Variants in MOV10L1 observed in about 807,000 individuals in gnomAD.
The protein encoded by MOV10L1 is RNA helicase Mov10l1.
MOV10L1 carries 110 observed loss-of-function variants against 143.8 expected under a neutral mutation model. That is an observed-to-expected ratio of 0.76 (90% CI 0.66 to 0.90). The LOEUF (loss-of-function observed/expected upper bound fraction) is 0.90, where lower values mean the gene tolerates loss of function less well. MOV10L1 is among the 40% of genes least tolerant of loss of function. The pLI is 0.00. For missense variants in MOV10L1, 1,406 were observed against 1,526.8 expected (o/e 0.92, Z 1.32); for synonymous variants, 593 against 581.1 (o/e 1.02, Z -0.29).
At chr22:50,103,383 G>T (rs1200715708) in intron 3 of MOV10L1, among the ~76,000 whole-genome samples, 2 of 152,164 alleles carry the variant, frequency 1.3e-5, no homozygotes, top group Non-Finnish European at 2.9e-5. Flanking sequence ...TTGGATGAAG[G>T]CAGCTAAAAT....
rs1035890345 is a variant in MOV10L1, at chr22:50,158,948, T to C, written c.3217-730T>C. The C allele has an allele frequency of 1.3e-5, 2 of 152,222 alleles. No homozygotes were observed. Among genetic ancestry groups the C allele is most frequent in the Non-Finnish European group, 1.5e-5 (1 of 68,050 alleles). The allele number at this position is 152,222 out of a possible 1,614,324, so 9.4% of individuals were successfully genotyped here. A position where few individuals can be genotyped will look rare whatever the true frequency, so the allele number is the denominator to read the frequency against. On this transcript the variant is annotated intron_variant, in intron 23 of 26. Coordinates refer to ENST00000262794, the MANE Select transcript of MOV10L1 (RefSeq NM_018995.3). The surrounding 1 kb of genome is among the most constrained non-coding windows in gnomAD (Gnocchi z 5.0). The stretch of plus-strand genomic sequence containing the variant: ...CCAGAGGTACAGAGATTACGAAGGC[T>C]TATGGAGACAAGTAAGTTGCCAGAC...
chr22:50,139,160 C>T (rs554105676), intron 15 of MOV10L1, among the ~76,000 whole-genome samples: 17 of 152,216 alleles, frequency 1.1e-4, no homozygotes, highest in African/African-American at 4.1e-4. Context: ...TTTTACCTCA[C>T]GTGGTCTGTA....
intron 10 of MOV10L1, among the ~76,000 whole-genome samples, chr22:50,124,259 G>T (rs903630160): frequency 2.9e-4 from 44 of 152,188 alleles, no homozygotes; most frequent in African/African-American, 1.0e-3. Context: ...AGCACTGCTT[G>T]TGCTGCTCCC....
Position 50,120,537 on chromosome 22 carries a change from A to G in MOV10L1, c.1490A>G (p.Gln497Arg), listed in dbSNP as rs774685975. The change falls in exon 10 of 27, where the codon CAA (glutamine) becomes CGA (arginine). Residue 497 changes from glutamine (Q) to arginine (R), a missense_variant. Transcript: ENST00000262794. ...SRRQLPSFLPQYPIPDRLRKC... is the reference protein window; with the variant it reads ...SRRQLPSFLPRYPIPDRLRKC... ...CGACAACTTCCAAGTTTTCTTCCCC[A>G]ATATCCAATCCCAGATAGACTTAGA... is the stretch of plus-strand genomic sequence containing the variant. 2 of 1,612,756 alleles carry G rather than the reference A, an allele frequency of 1.2e-6. No homozygotes were observed. Among genetic ancestry groups the G allele is most frequent in the Non-Finnish European group, 1.7e-6 (2 of 1,179,486 alleles).
At chr22:50,098,728 A>G (rs1345688144) in intron 2 of MOV10L1, among the ~76,000 whole-genome samples, 2 of 152,230 alleles carry the variant, frequency 1.3e-5, no homozygotes, top group African/African-American at 4.8e-5. Flanking sequence ...TGAAGTAAGC[A>G]TGGGCATCCT....
intron 9 of MOV10L1, 56 bp downstream of exon 9, chr22:50,117,407 A>G: frequency 5.7e-6 from 9 of 1,578,990 alleles, no homozygotes; most frequent in Non-Finnish European, 7.8e-6. Flanking sequence ...CTGTGAAGGA[A>G]AAGCGGACGT....
chr22:50,101,652 C>T (rs1188387795), intron 3 of MOV10L1, among the ~76,000 whole-genome samples: 1 of 152,034 alleles, frequency 6.6e-6, no homozygotes, highest in Non-Finnish European at 1.5e-5. Flanking sequence ...GCTGGGACTA[C>T]AGCTGTGTGC....
In MOV10L1 at chr22:50,128,121, G is replaced by C. The variant is rs544527836; in HGVS notation, c.1819-295G>C. Reference sequence around the variant, plus strand: ...CAGTAGGTAACACTTGGCTACCCTTGTGGTTGTTTTGTTTGTGTCCTATGG... The same window carrying C: ...CAGTAGGTAACACTTGGCTACCCTTCTGGTTGTTTTGTTTGTGTCCTATGG... On this transcript the variant is annotated intron_variant, in intron 12 of 26. Transcript: ENST00000262794. Among the ~76,000 whole-genome samples the C allele has an allele frequency of 1.5e-4, 23 of 152,286 alleles. No individual in the cohort carries two copies. In the East Asian group the frequency reaches 4.4e-3, roughly 29 times the overall value.
intron 11 of MOV10L1, 33 bp from the exon 12 acceptor site, chr22:50,126,169 A>G (rs1569300791): frequency 6.8e-7 from 1 of 1,461,276 alleles, no homozygotes; most frequent in Non-Finnish European, 9.6e-7. Flanking sequence ...ATTTTGTGTT[A>G]GCTTTAAACA....
intron 2 of MOV10L1, chr22:50,092,759 T>G (rs1045823776): frequency 1.3e-5 from 2 of 152,396 alleles, no homozygotes; most frequent in African/African-American, 4.8e-5. Context: ...ATATCCATTA[T>G]TTTCTTGCTT....
chr22:50,119,765 T>G (rs2062285857), intron 9 of MOV10L1, among the ~76,000 whole-genome samples: 1 of 151,368 alleles, frequency 6.6e-6, no homozygotes, highest in African/African-American at 2.4e-5. Context: ...CAAATTGAGA[T>G]GACAGTGAAT....
intron 13 of MOV10L1, among the ~76,000 whole-genome samples, chr22:50,129,962 A>T (rs1277133061): frequency 6.6e-6 from 1 of 152,066 alleles, no homozygotes; most frequent in East Asian, 1.9e-4. Flanking sequence ...TCTTCTCCAG[A>T]TTTCTTCCTT....
In MOV10L1 at chr22:50,143,162, A is replaced by G. The variant is rs745658443; in HGVS notation, c.2299A>G (p.Ile767Val). The G allele has an allele frequency of 1.9e-6, 3 of 1,614,184 alleles. No homozygotes were observed. Among genetic ancestry groups the G allele is most frequent in the Non-Finnish European group, 1.7e-6 (2 of 1,180,024 alleles). ...TGGTGACTGCCGTCCCCTCCCGTAT[A>G]TTCTCTTTGGACCTCCTGGTACTGG... is the stretch of plus-strand genomic sequence containing the variant. The part of the protein sequence containing the change: ...LSGDCRPLPY[I>V]LFGPPGTGKT... Residue 767 changes from isoleucine to valine, a missense_variant, in exon 17 of 27, where the codon ATT becomes GTT. This residue lies in a region of MOV10L1 where 1,233 missense variants were observed against 1,351.4 expected (regional missense o/e 0.91). Coordinates refer to ENST00000262794, the MANE Select transcript of MOV10L1 (RefSeq NM_018995.3).
rs1368407053 is a variant in MOV10L1 at position 50,091,980 on chromosome 22, T to G, written c.98-21T>G. 1.9e-6 allele frequency: 3 copies of G among 1,606,588 alleles called. No individual in the cohort carries two copies. In the South Asian group the frequency reaches 3.3e-5, roughly 18 times the overall value. ...CGCTTGCTTTTATGGCCAAGATAAC[T>G]TCTTTGTTTACCTACCTCAGGTGAC... On this transcript the variant is annotated intron_variant, in intron 1 of 26. Transcript: ENST00000262794.
In MOV10L1 at chr22:50,123,478, C is replaced by T. The variant is rs143374891; in HGVS notation, c.1570-1914C>T. Among the ~76,000 whole-genome samples, 412 of 152,328 alleles carry T rather than the reference C, an allele frequency of 2.7e-3. 4 individuals carry two copies. Among genetic ancestry groups the T allele is most frequent in the African/African-American group, 9.6e-3 (398 of 41,566 alleles). ...CTCCTGGGCTCAAGCAATCCTCCCA[C>T]CTCAGTCTCCCAAGTAACTGGGACT... is the stretch of plus-strand genomic sequence containing the variant. On this transcript the variant is annotated intron_variant, in intron 10 of 26. Coordinates refer to ENST00000262794, the MANE Select transcript of MOV10L1 (RefSeq NM_018995.3).
At chr22:50,106,699 C>CTTT (rs71198216) in intron 3 of MOV10L1, among the ~76,000 whole-genome samples, 11 of 120,700 alleles carry the variant, frequency 9.1e-5, no homozygotes, top group Non-Finnish European at 1.6e-4. Flanking sequence ...AGGACATGGT[C>CTTT]TTTTTTTTTT....
chr22:50,157,595 A>C (rs933844997), intron 22 of MOV10L1, among the ~76,000 whole-genome samples: 34 of 151,636 alleles, frequency 2.2e-4, no homozygotes, highest in African/African-American at 7.8e-4. Context: ...CTGTCCTGGC[A>C]CCCTTGTCAG....
At chr22:50,129,474 C>T (rs1267759904) in intron 13 of MOV10L1, among the ~76,000 whole-genome samples, 2 of 152,204 alleles carry the variant, frequency 1.3e-5, no homozygotes. Flanking sequence ...GTTGTTGTAA[C>T]TGCTGTTCAT....
At chr22:50,151,674 C>T (rs1263470520) in intron 21 of MOV10L1, among the ~76,000 whole-genome samples, 1 of 152,232 alleles carries the variant, frequency 6.6e-6, no homozygotes, top group Non-Finnish European at 1.5e-5. Context: ...CTCTGCTGTC[C>T]CCCGGAGGTT....
Sources: gnomAD v4.1 joint callset for allele counts (sites outside exome capture counted in the v4.1 genomes callset) on GRCh38, gnomAD v4.1.1 for gene constraint, gnomAD v4.1.1 regional missense constraint, Gnocchi (gnomAD v3.1) non-coding constraint, MANE v1.5 for transcripts, NCBI Gene and HGNC (gene_info 2026-07-23, HGNC 2026-07-21) for gene names.